The following LRMDA variants were observed in gnomAD, a reference collection of about 807,000 sequenced individuals.
LRMDA encodes leucine-rich melanocyte differentiation-associated protein.
A neutral mutation model predicts 29.8 loss-of-function variants in LRMDA; 18 were observed. The observed-to-expected ratio is 0.60, with a 90% CI of 0.42 to 0.90. The LOEUF is 0.90. LRMDA is among the 40% of genes least tolerant of loss of function. LRMDA has a pLI of 0.00. For synonymous variants in LRMDA, 125 were observed against 109.4 expected, an observed-to-expected ratio of 1.14 and a Z score of -0.89; for missense variants, 273 against 273.9, an observed-to-expected ratio of 1.00 and a Z score of 0.02.
At chr10:75,765,840 A>G (rs1169378202) in intron 2 of LRMDA, among the ~76,000 whole-genome samples, 1 of 134,778 alleles carries the variant, frequency 7.4e-6, no homozygotes, top group Non-Finnish European at 1.5e-5. Context: ...TGGGGTGCCC[A>G]CTGTGTGTCA....
chr10:76,259,562 A>G (rs1172209713), intron 5 of LRMDA, among the ~76,000 whole-genome samples: 1 of 152,074 alleles, frequency 6.6e-6, no homozygotes, highest in Non-Finnish European at 1.5e-5. Flanking sequence ...AATGTTACCT[A>G]CATGTCTGTT....
At chr10:75,443,545 A>G (rs1024930685) in intron 2 of LRMDA, among the ~76,000 whole-genome samples, 4 of 152,182 alleles carry the variant, frequency 2.6e-5, no homozygotes, top group African/African-American at 9.7e-5. Flanking sequence ...CTTGCATTCC[A>G]GGGATAAATC....
chr10:75,924,375 T>A (rs1408284549), intron 2 of LRMDA, among the ~76,000 whole-genome samples: 1 of 152,178 alleles, frequency 6.6e-6, no homozygotes, highest in East Asian at 1.9e-4. Flanking sequence ...TATTCTCTCA[T>A]GCAAGCCCCA....
chr10:76,492,245 A>T (rs1179972691), intron 6 of LRMDA, among the ~76,000 whole-genome samples: 2 of 152,002 alleles, frequency 1.3e-5, no homozygotes, highest in African/African-American at 4.8e-5. Flanking sequence ...GGATTGTCTC[A>T]ATGCTTGTGG....
At chr10:76,259,702 C>G (rs1839909277) in intron 5 of LRMDA, among the ~76,000 whole-genome samples, 1 of 151,970 alleles carries the variant, frequency 6.6e-6, no homozygotes, top group South Asian at 2.1e-4. Context: ...GTCTATCTCT[C>G]CCTTTAGATC....
In LRMDA at chr10:75,876,522, C is replaced by T. The variant is rs1045876610; in HGVS notation, c.132-159486C>T. Among the ~76,000 whole-genome samples, 14 of 152,212 alleles carry T rather than the reference C, an allele frequency of 9.2e-5. 1 individual carries two copies. In the South Asian group the frequency reaches 2.1e-3, roughly 23 times the overall value. On this transcript the variant is annotated intron_variant, in intron 2 of 6. Transcript: ENST00000611255. ...TATCCCAATAACAAACACAAAACCC[C>T]GACAAACACACAGAGTACCTGGTAG...
chr10:75,785,424 G>A (rs61732906), intron 2 of LRMDA, among the ~76,000 whole-genome samples: 214 of 152,322 alleles, frequency 1.4e-3, no homozygotes, highest in African/African-American at 4.9e-3. Context: ...CACTGAGCAT[G>A]GTCACCAGGC....
intron 6 of LRMDA, among the ~76,000 whole-genome samples, chr10:76,365,996 G>T (rs1841387958): frequency 2.0e-5 from 3 of 152,160 alleles, no homozygotes. Flanking sequence ...GTTGAAAAGG[G>T]TGTCCTTTCC....
At chr10:75,753,902 G>A (rs1842996227) in intron 2 of LRMDA, among the ~76,000 whole-genome samples, 1 of 152,090 alleles carries the variant, frequency 6.6e-6, no homozygotes, top group Non-Finnish European at 1.5e-5. Flanking sequence ...GAAGTGAAGA[G>A]ATTCAGGCTG....
At chr10:76,044,306 G>A (rs1848391332) in intron 3 of LRMDA, among the ~76,000 whole-genome samples, 3 of 152,104 alleles carry the variant, frequency 2.0e-5, no homozygotes, top group South Asian at 2.1e-4. Flanking sequence ...TACTCTACCT[G>A]AATGACACCA....
At chr10:75,523,300 G>A (rs1044973855) in intron 2 of LRMDA, among the ~76,000 whole-genome samples, 3 of 152,180 alleles carry the variant, frequency 2.0e-5, no homozygotes, top group Non-Finnish European at 4.4e-5. Flanking sequence ...TACTGAGGAC[G>A]TCCTTGTTCC....
At chr10:75,793,345 C>G (rs528551444) in intron 2 of LRMDA, among the ~76,000 whole-genome samples, 1 of 152,244 alleles carries the variant, frequency 6.6e-6, no homozygotes, top group East Asian at 1.9e-4. Context: ...TACTGGGTTG[C>G]TCTAACAAGT....
At chr10:75,800,539 G>A (rs1369217332) in intron 2 of LRMDA, among the ~76,000 whole-genome samples, 1 of 151,826 alleles carries the variant, frequency 6.6e-6, no homozygotes, top group African/African-American at 2.4e-5. Flanking sequence ...CCGCGTTCAA[G>A]TGATTCTTCA....
At chr10:76,348,784 T>C (rs968305484) in intron 6 of LRMDA, among the ~76,000 whole-genome samples, 4 of 152,214 alleles carry the variant, frequency 2.6e-5, no homozygotes, top group African/African-American at 9.6e-5. Flanking sequence ...CTCAAGGAAC[T>C]TACAGTTTAG....
chr10:76,441,157 C>G (rs1218485720), intron 6 of LRMDA, among the ~76,000 whole-genome samples: 2 of 152,132 alleles, frequency 1.3e-5, no homozygotes, highest in Non-Finnish European at 2.9e-5. Context: ...GTGACTCTTT[C>G]ATCTTGGGAA....
At chr10:75,908,939 A>G (rs775321596) in intron 2 of LRMDA, among the ~76,000 whole-genome samples, 8 of 152,114 alleles carry the variant, frequency 5.3e-5, no homozygotes, top group Non-Finnish European at 1.2e-4. Context: ...TGACATAAAC[A>G]TCTATTATGT....
At chr10:75,587,415 T>C (rs4393255) in intron 2 of LRMDA, among the ~76,000 whole-genome samples, 91,922 of 152,048 alleles carry the variant, frequency 0.6, 31,135 homozygotes, top group East Asian at 0.85. Flanking sequence ...AATAATATGC[T>C]GAGAAAAATG....
At chr10:75,761,978 C>T (rs12258367) in intron 2 of LRMDA, among the ~76,000 whole-genome samples, 11,606 of 151,790 alleles carry the variant, frequency 0.076, 1,214 homozygotes, top group African/African-American at 0.24. Flanking sequence ...TTTTTAAATA[C>T]TTTTTGTAGA....
At chr10:76,396,995 C>G (rs947145133) in intron 6 of LRMDA, among the ~76,000 whole-genome samples, 1 of 152,164 alleles carries the variant, frequency 6.6e-6, no homozygotes, top group African/African-American at 2.4e-5. Context: ...CCTCTTTTCC[C>G]TCAACTTGTC....
Sources: allele counts gnomAD v4.1 joint callset (sites outside exome capture counted in the v4.1 genomes callset), GRCh38; gene constraint gnomAD v4.1.1; transcripts MANE v1.5; gene names NCBI Gene and HGNC (gene_info 2026-07-23, HGNC 2026-07-21).